The following SLC5A5 variants were observed in gnomAD, a reference collection of about 807,000 sequenced individuals.
SLC5A5 encodes the protein solute carrier family 5 member 5, also known as sodium/iodide cotransporter.
A neutral mutation model predicts 68.6 loss-of-function variants in SLC5A5; 56 were observed. The observed-to-expected ratio is 0.82, with a 90% CI of 0.66 to 1.02. SLC5A5 has a LOEUF of 1.02. Among genes scored for constraint, SLC5A5 ranks in the 50% least tolerant of loss-of-function variants. The pLI, the probability that SLC5A5 is intolerant of heterozygous loss-of-function variation, is 0.00. For missense variants in SLC5A5, 807 were observed against 859.8 expected (o/e 0.94, Z 0.77); for synonymous variants, 398 against 373.0 (o/e 1.07, Z -0.77).
intron 14 of SLC5A5, among the ~76,000 whole-genome samples, chr19:17,892,544 G>A (rs2030213122): frequency 6.6e-6 from 1 of 152,064 alleles, no homozygotes; most frequent in Middle Eastern, 3.4e-3. Context: ...GGCTGAGGCA[G>A]GAGAATCGAT....
rs751112552 is a variant in SLC5A5, at chr19:17,882,167, C to T, written c.1190C>T (p.Ala397Val). ...SKGLSLIYGS[A>V]CLTVAALSSL... ...ACTACAGCACTCATCTACGGATCGG[C>T]CTGTCTCACCGTGGCAGCCCTGTCC... is the stretch of plus-strand genomic sequence containing the variant. The change falls in exon 10 of 15, where the codon GCC becomes GTC. Residue 397 changes from alanine to valine, a missense_variant. Coordinates refer to ENST00000222248, the MANE Select transcript of SLC5A5 (RefSeq NM_000453.3). The T allele has an allele frequency of 1.2e-6, 2 of 1,614,030 alleles. No homozygotes were observed. Among genetic ancestry groups the T allele is most frequent in the East Asian group, 2.2e-5 (1 of 44,896 alleles).
intron 4 of SLC5A5, 142 bp downstream of exon 4, chr19:17,874,873 T>C (rs1232227428): frequency 3.7e-6 from 3 of 804,232 alleles, no homozygotes; most frequent in Non-Finnish European, 6.3e-6. Context: ...TAGTGAAAAA[T>C]GATCTGAAAA....
rs371415533 is a variant in SLC5A5 at position 17,874,241 on chromosome 19, G to T, written c.423+38G>T. ...GGCCCCGCCCTCCGCTCAGGGCCCC[G>T]AGAGCGTCAGCCTTCACTAGCCCGG... On this transcript the variant is annotated intron_variant, in intron 2 of 14. Coordinates refer to ENST00000222248, the MANE Select transcript of SLC5A5 (RefSeq NM_000453.3). 53 of 1,453,114 alleles carry T rather than the reference G, an allele frequency of 3.6e-5. 1 individual carries two copies. The African/African-American group carries it at 6.8e-4, about 19-fold the overall frequency. The allele number at this position is 1,453,114 out of a possible 1,614,324, so 90.0% of individuals were successfully genotyped here. A position where few individuals can be genotyped will look rare whatever the true frequency, so the allele number is the denominator to read the frequency against.
Position 17,893,745 on chromosome 19 carries a change from GC to G in SLC5A5, c.1805del (p.Pro602LeufsTer102). On this transcript the variant is annotated frameshift_variant, in exon 15 of 15. Coordinates refer to ENST00000222248, the MANE Select transcript of SLC5A5 (RefSeq NM_000453.3). LOFTEE classifies it low-confidence loss of function (END_TRUNC). Reference protein sequence around the residue: ...PEELPTGNKKPPGFLPTNEDR... With the variant: ...PEELPTGNKKXPGFLPTNEDR... ...AAGAACTCCCCACTGGAAACAAGAA[GC>G]CCCCTGGCTTCCTGCCCACCAATGA... 1 of 1,613,976 alleles carries G rather than the reference GC, an allele frequency of 6.2e-7. No individual in the cohort carries two copies. Among genetic ancestry groups the G allele is most frequent in the African/African-American group, 1.3e-5 (1 of 75,040 alleles).
In SLC5A5 at chr19:17,883,885, G is replaced by GTCGCTGTGGGTGGCCTTGGGCGCC; in HGVS notation, c.1366_1389dup (p.Ser456_Ala463dup). The GTCGCTGTGGGTGGCCTTGGGCGCC allele has an allele frequency of 1.3e-6, 2 of 1,577,432 alleles. No individual in the cohort carries two copies. Among genetic ancestry groups the GTCGCTGTGGGTGGCCTTGGGCGCC allele is most frequent in the Non-Finnish European group, 1.7e-6 (2 of 1,163,160 alleles). ...CGGGACTAGGCGCGGGCTTGGCGCT[G>GTCGCTGTGGGTGGCCTTGGGCGCC]TCGCTGTGGGTGGCCTTGGGCGCCA... On this transcript the variant is annotated inframe_insertion, in exon 12 of 15. Transcript: ENST00000222248.
At chr19:17,889,829 G>A (rs982979539) in intron 13 of SLC5A5, among the ~76,000 whole-genome samples, 4 of 152,162 alleles carry the variant, frequency 2.6e-5, no homozygotes, top group Non-Finnish European at 5.9e-5. Flanking sequence ...TTCTAAAGCT[G>A]CCGGTGACTC....
At position 17,872,542 on chromosome 19, in the gene SLC5A5, G is replaced by C; in HGVS notation, c.223G>C (p.Gly75Arg). The C allele has an allele frequency of 6.2e-7, 1 of 1,612,812 alleles. No individual in the cohort carries two copies. The highest frequency in any genetic ancestry group is 2.2e-5 in the East Asian group (1 of 44,870). ...CTTCATGTCGGCCGTGCAGGTGCTG[G>C]GCGTGCCGTCGGAGGCCTATCGCTA... is the stretch of plus-strand genomic sequence containing the variant. ...ASFMSAVQVL[G>R]VPSEAYRYGL... The change falls in exon 1 of 15, where the codon GGC becomes CGC. Residue 75 changes from glycine to arginine, a missense_variant. Physicochemically the swap from Gly to Arg is moderately radical, Grantham distance 125 (BLOSUM62 -2). Coordinates refer to ENST00000222248, the MANE Select transcript of SLC5A5 (RefSeq NM_000453.3).
At chr19:17,889,313 C>T (rs1347608858) in intron 13 of SLC5A5, among the ~76,000 whole-genome samples, 2 of 151,730 alleles carry the variant, frequency 1.3e-5, no homozygotes, top group Non-Finnish European at 2.9e-5. Context: ...GTAAGGGAAT[C>T]GCTTGATCCT....
At chr19:17,884,689 C>T (rs2094329391) in intron 12 of SLC5A5, among the ~76,000 whole-genome samples, 1 of 151,786 alleles carries the variant, frequency 6.6e-6, no homozygotes. Flanking sequence ...AGGAGAATCG[C>T]TTGAACCCAG....
At chr19:17,874,814 C>T in intron 4 of SLC5A5, 83 bp downstream of exon 4, 3 of 1,351,338 alleles carry the variant, frequency 2.2e-6, no homozygotes, top group South Asian at 1.2e-5. Flanking sequence ...TTGCCCCTTT[C>T]TCCTGAGGAA....
intron 4 of SLC5A5, 128 bp from the exon 5 acceptor site, chr19:17,875,824 G>T: frequency 1.3e-6 from 1 of 794,826 alleles, no homozygotes; most frequent in Non-Finnish European, 2.2e-6. Flanking sequence ...ACAGTAAGAA[G>T]GTATTATTAT....
chr19:17,890,935 C>T lies in SLC5A5; in HGVS notation c.1701C>T (p.Leu567=), dbSNP rs375404000. 94 of 1,614,080 alleles carry T rather than the reference C, an allele frequency of 5.8e-5. No homozygotes were observed. The African/African-American group carries it at 8.8e-4, about 15-fold the overall frequency. The change falls in exon 14 of 15, where the codon CTC becomes CTT. Residue 567 remains leucine, a synonymous_variant. Coordinates refer to ENST00000222248, the MANE Select transcript of SLC5A5 (RefSeq NM_000453.3). ...TLAPGLLWWD[L]ARQTASVAPK... is the part of the protein sequence containing the mutation. Reference sequence around the variant, plus strand: ...CCCCGGGATTGTTGTGGTGGGACCTCGCACGGCAGACAGCATCAGTGGCCC... The same window carrying T: ...CCCCGGGATTGTTGTGGTGGGACCTTGCACGGCAGACAGCATCAGTGGCCC...
rs549801430 is a variant in SLC5A5 at position 17,872,690 on chromosome 19, G to A, written c.357+14G>A. The A allele has an allele frequency of 7.3e-6, 11 of 1,505,608 alleles. No homozygotes were observed. The African/African-American group carries it at 9.6e-5, about 13-fold the overall frequency. 93.3% of individuals were successfully genotyped at this position (1,505,608 alleles called of 1,614,324 possible). Reference sequence around the variant, plus strand: ...AGCACCTACGAGGTACCGGACAGAGGCCCGGGGGTAGGACCTGCCCCACTG... The same window carrying A: ...AGCACCTACGAGGTACCGGACAGAGACCCGGGGGTAGGACCTGCCCCACTG... On this transcript the variant is annotated intron_variant, in intron 1 of 14. Coordinates refer to ENST00000222248, the MANE Select transcript of SLC5A5 (RefSeq NM_000453.3).
intron 12 of SLC5A5, among the ~76,000 whole-genome samples, chr19:17,886,237 T>C (rs1161889455): frequency 6.6e-6 from 1 of 151,428 alleles, no homozygotes; most frequent in Non-Finnish European, 1.5e-5. Context: ...AGTTTTGGTA[T>C]GGACATATGT....
At chr19:17,876,426 C>CAAAA (rs60457185) in intron 5 of SLC5A5, among the ~76,000 whole-genome samples, 32 of 87,414 alleles carry the variant, frequency 3.7e-4, no homozygotes, top group African/African-American at 1.3e-3. Context: ...GACCCTGTCT[C>CAAAA]AAAAAAAAAA....
At chr19:17,878,118 T>A (rs746833562) in intron 7 of SLC5A5, 25 bp downstream of exon 7, 2 of 1,607,552 alleles carry the variant, frequency 1.2e-6, no homozygotes, top group East Asian at 4.5e-5. Flanking sequence ...GGCTCCTGGT[T>A]GGCTCTGCAC....
intron 4 of SLC5A5, among the ~76,000 whole-genome samples, chr19:17,875,263 A>G (rs373237479): frequency 2.0e-5 from 3 of 151,802 alleles, no homozygotes; most frequent in African/African-American, 7.3e-5. Context: ...CTAGCCTCTC[A>G]GGAGGCTGAG....
chr19:17,874,589 G>A, intron 3 of SLC5A5, 44 bp downstream of exon 3: 1 of 1,612,994 alleles, frequency 6.2e-7, no homozygotes, highest in Non-Finnish European at 8.5e-7. Flanking sequence ...GGAAGAGAAA[G>A]GGAGGGAGAG....
At chr19:17,882,338 G>GT (rs562649678) in intron 10 of SLC5A5, 119 bp downstream of exon 10, 80,946 of 569,716 alleles carry the variant, frequency 0.14, 2 homozygotes, top group East Asian at 0.18. Flanking sequence ...TCACTTCTAT[G>GT]TTTTTTTTTT....
Sources: gnomAD v4.1 joint callset for allele counts (sites outside exome capture counted in the v4.1 genomes callset) on GRCh38, gnomAD v4.1.1 for gene constraint, MANE v1.5 for transcripts, NCBI Gene and HGNC (gene_info 2026-07-23, HGNC 2026-07-21) for gene names.